The following PHF20 variants were observed in gnomAD, a reference collection of about 807,000 sequenced individuals.
PHF20 encodes the protein PHD finger protein 20.
Under a neutral mutation model 113.5 loss-of-function variants are expected in PHF20, and 23 were observed. The ratio of observed to expected loss-of-function variants is 0.20; its 90% CI spans 0.15 to 0.29. The LOEUF (loss-of-function observed/expected upper bound fraction) is 0.29, where lower values mean the gene tolerates loss of function less well. Among genes scored for constraint, PHF20 ranks in the 10% least tolerant of loss-of-function variants. The probability of loss-of-function intolerance (pLI) is 1.00; values close to 1 mark genes in which losing one functional copy is unlikely to be tolerated. For missense variants in PHF20, 943 were observed against 1,219.6 expected (o/e 0.77, Z 3.38); for synonymous variants, 434 against 457.3 (o/e 0.95, Z 0.65).
chr20:35,850,759 A>C, intron 4 of PHF20: 2 of 627,528 alleles, frequency 3.2e-6, no homozygotes, highest in Non-Finnish European at 5.8e-6. Context: ...ATATATGTCC[A>C]CATAGCAATA....
intron 3 of PHF20, 67 bp from the exon 4 acceptor site, chr20:35,847,283 T>C (rs1600819299): frequency 4.0e-6 from 4 of 998,102 alleles, no homozygotes; most frequent in East Asian, 2.4e-5. Flanking sequence ...TGAGATCTGG[T>C]ATGTCCTGTA....
chr20:35,878,680 A>G, intron 9 of PHF20: 1 of 789,164 alleles, frequency 1.3e-6, no homozygotes. Context: ...TTGTAGGAGC[A>G]ATGACTGTTG....
At chr20:35,876,475 G>A (rs908331570) in intron 9 of PHF20, among the ~76,000 whole-genome samples, 1 of 151,978 alleles carries the variant, frequency 6.6e-6, no homozygotes. Context: ...GGAGGCTGAG[G>A]CAGGAGAGTT....
intron 13 of PHF20, among the ~76,000 whole-genome samples, chr20:35,927,094 G>A (rs2055654916): frequency 6.6e-6 from 1 of 151,994 alleles, no homozygotes. Flanking sequence ...CTCTCCCCCT[G>A]TCCCCTCAAT....
At chr20:35,934,139 A>C (rs954247971) in intron 15 of PHF20, among the ~76,000 whole-genome samples, 1 of 152,202 alleles carries the variant, frequency 6.6e-6, no homozygotes, top group Non-Finnish European at 1.5e-5. Flanking sequence ...TGTGCTGATC[A>C]GGCCTAGAGG....
chr20:35,938,483 C>T (rs1180943318), intron 15 of PHF20: 1 of 533,596 alleles, frequency 1.9e-6, no homozygotes, highest in Non-Finnish European at 3.3e-6. Flanking sequence ...GAGTCCAGTC[C>T]CACTCACTGT....
chr20:35,927,939 C>T, intron 14 of PHF20, 60 bp downstream of exon 14: 2 of 1,161,584 alleles, frequency 1.7e-6, no homozygotes, highest in South Asian at 2.4e-5. Context: ...GCACAGCTGG[C>T]TGTGACACAT....
chr20:35,900,744 G>T (rs755981326), intron 10 of PHF20, among the ~76,000 whole-genome samples: 1 of 152,158 alleles, frequency 6.6e-6, no homozygotes, highest in Admixed American at 6.5e-5. Flanking sequence ...GGTTGAGGCA[G>T]GAGAATTGTT....
chr20:35,778,836 G>C (rs1410034703), intron 1 of PHF20, among the ~76,000 whole-genome samples: 1 of 151,898 alleles, frequency 6.6e-6, no homozygotes, highest in African/African-American at 2.4e-5. Flanking sequence ...GTCCTACCTG[G>C]ACCTTCCTCT....
intron 2 of PHF20, 115 bp from the exon 3 acceptor site, chr20:35,842,458 C>A: frequency 2.2e-6 from 2 of 890,458 alleles, no homozygotes; most frequent in South Asian, 1.7e-5. Flanking sequence ...AGTCTCTAAA[C>A]GGTAGGCCTG....
At chr20:35,899,998 C>T (rs987243352) in intron 10 of PHF20, among the ~76,000 whole-genome samples, 2 of 152,150 alleles carry the variant, frequency 1.3e-5, no homozygotes, top group African/African-American at 2.4e-5. Flanking sequence ...CAAACCTGTG[C>T]GTTTTCCTTG....
At position 35,947,482 on chromosome 20, in the gene PHF20, C is replaced by G. The variant is rs747284886; in HGVS notation, c.2897-3C>G. The stretch of plus-strand genomic sequence containing the variant: ...AGGTCTCATCTCTCTCTTCTGCCGA[C>G]AGTGTTGGAGAGCTGGCTGGACTAC... On this transcript the variant is annotated splice_polypyrimidine_tract_variant and splice_region_variant and intron_variant, in intron 17 of 17. Transcript: ENST00000374012. 6.2e-7 allele frequency: 1 copy of G among 1,613,502 alleles called. No individual in the cohort carries two copies. Among genetic ancestry groups the G allele is most frequent in the African/African-American group, 1.3e-5 (1 of 75,012 alleles).
At position 35,938,888 on chromosome 20, in the gene PHF20, A is replaced by G. The variant is rs942439132; in HGVS notation, c.2492A>G (p.Glu831Gly). ...GCCCTGCCCCTGCCGCGTTCTGTGG[A>G]GGAATCCTATATCACCAGTGAGCAT... ...PLALPLPRSV[E>G]ESYITSEHCY... is the part of the protein sequence containing the mutation. The change falls in exon 16 of 18, where the codon GAG becomes GGG. Residue 831 changes from glutamate to glycine, a missense_variant. This residue lies in a region of PHF20 where 349 missense variants were observed against 412.3 expected (regional missense o/e 0.85). Transcript: ENST00000374012. 6.2e-7 allele frequency: 1 copy of G among 1,614,196 alleles called. No individual in the cohort carries two copies. The highest frequency in any genetic ancestry group is 1.7e-5 in the Admixed American group (1 of 60,026).
chr20:35,829,555 A>G (rs543119855), intron 2 of PHF20, among the ~76,000 whole-genome samples: 9 of 149,374 alleles, frequency 6.0e-5, no homozygotes, highest in Admixed American at 5.3e-4. Flanking sequence ...CATGTTGGCC[A>G]TGGCTGGTCT....
intron 9 of PHF20, among the ~76,000 whole-genome samples, chr20:35,895,085 G>A (rs930977135): frequency 6.6e-6 from 1 of 151,932 alleles, no homozygotes; most frequent in African/African-American, 2.4e-5. Flanking sequence ...GTACAGTGGC[G>A]TGATCTTGAC....
At chr20:35,891,941 C>T (rs537894632) in intron 9 of PHF20, among the ~76,000 whole-genome samples, 193 of 152,158 alleles carry the variant, frequency 1.3e-3, no homozygotes, top group African/African-American at 4.4e-3. Flanking sequence ...GCAATCTTGG[C>T]TCACTGCAAC....
In PHF20 at chr20:35,875,225, C is replaced by A. The variant is rs911080607; in HGVS notation, c.1282+3396C>A. 3.9e-5 allele frequency among the ~76,000 whole-genome samples: 6 copies of A among 152,154 alleles called. No homozygotes were observed. In the South Asian group the frequency reaches 1.2e-3, roughly 32 times the overall value. Reference sequence around the variant, plus strand: ...CCAGCCTGGCCAACATGGTGAAACCCCGTCTCTACTAAAAATACAAAAATT... The same window carrying A: ...CCAGCCTGGCCAACATGGTGAAACCACGTCTCTACTAAAAATACAAAAATT... On this transcript the variant is annotated intron_variant, in intron 9 of 17. Transcript: ENST00000374012.
Position 35,900,460 on chromosome 20 carries a change from T to G in PHF20, c.1561+812T>G, listed in dbSNP as rs561001442. 2.6e-5 allele frequency among the ~76,000 whole-genome samples: 4 copies of G among 152,298 alleles called. No individual in the cohort carries two copies. The South Asian group carries it at 8.3e-4, about 32-fold the overall frequency. ...AGGACAGGGGCAGAGCCATGCAGAC[T>G]AAGGTGAACTCTGACCCTCCGAGGG... On this transcript the variant is annotated intron_variant, in intron 10 of 17. Coordinates refer to ENST00000374012, the MANE Select transcript of PHF20 (RefSeq NM_016436.5).
At chr20:35,921,413 G>A (rs971950722) in intron 13 of PHF20, among the ~76,000 whole-genome samples, 1 of 151,808 alleles carries the variant, frequency 6.6e-6, no homozygotes, top group Non-Finnish European at 1.5e-5. Flanking sequence ...ATAATTGTTG[G>A]TTGGGCATGC....
Sources: allele counts gnomAD v4.1 joint callset (sites outside exome capture counted in the v4.1 genomes callset), GRCh38; gene constraint gnomAD v4.1.1; regional missense constraint gnomAD v4.1.1; transcripts MANE v1.5; gene names NCBI Gene and HGNC (gene_info 2026-07-23, HGNC 2026-07-21).